The following LGSN variants were observed in gnomAD, a reference collection of about 807,000 sequenced individuals.
LGSN encodes lengsin.
A neutral mutation model predicts 19.5 loss-of-function variants in LGSN; 21 were observed. The ratio of observed to expected loss-of-function variants is 1.07; its 90% CI spans 0.76 to 1.55. The LOEUF (loss-of-function observed/expected upper bound fraction) is 1.55, where lower values mean the gene tolerates loss of function less well. Ranked by LOEUF, LGSN falls within the 40% of genes most tolerant of loss-of-function variation. The pLI, the probability that LGSN is intolerant of heterozygous loss-of-function variation, is 0.00. For missense variants in LGSN, 673 were observed against 608.5 expected, an observed-to-expected ratio of 1.11 and a Z score of -1.12; for synonymous variants, 257 against 215.6, an observed-to-expected ratio of 1.19 and a Z score of -1.68.
the LGSN span, among the ~76,000 whole-genome samples, chr6:63,503,489 T>C: frequency 1.3e-5 from 2 of 152,206 alleles, no homozygotes; most frequent in Non-Finnish European, 2.9e-5. Flanking sequence ...AGATTAATCC[T>C]CTCTTTAATC....
At chr6:63,298,280 T>G (rs1768057009) in intron 1 of LGSN, among the ~76,000 whole-genome samples, 1 of 152,122 alleles carries the variant, frequency 6.6e-6, no homozygotes, top group Non-Finnish European at 1.5e-5. Flanking sequence ...TCCCCATGCG[T>G]TTGTGTTTTG....
chr6:63,533,865 G>A, the LGSN span, among the ~76,000 whole-genome samples: 1 of 144,728 alleles, frequency 6.9e-6, no homozygotes, highest in Non-Finnish European at 1.5e-5. Flanking sequence ...AATTTTTGAG[G>A]TAGGGTCTCA....
chr6:63,562,157 A>T, the LGSN span, among the ~76,000 whole-genome samples: 2 of 150,896 alleles, frequency 1.3e-5, no homozygotes, highest in Admixed American at 6.6e-5. Context: ...ATTTAACATT[A>T]CAATTATTTA....
At chr6:63,522,747 C>G in the LGSN span, among the ~76,000 whole-genome samples, 1 of 152,024 alleles carries the variant, frequency 6.6e-6, no homozygotes, top group Non-Finnish European at 1.5e-5. Flanking sequence ...AGGGGAGATA[C>G]CATATTACTG....
At chr6:63,370,598 C>T in the LGSN span, among the ~76,000 whole-genome samples, 2,152 of 152,354 alleles carry the variant, frequency 0.014, 24 homozygotes, top group Non-Finnish European at 0.025. Context: ...TGGGTCCTGC[C>T]TACGCATCTA....
chr6:63,548,789 A>C, the LGSN span: 7 of 726,898 alleles, frequency 9.6e-6, no homozygotes, highest in South Asian at 1.5e-5. Flanking sequence ...GACCCAGGAC[A>C]TTGCCTCCCC....
intron 3 of LGSN, among the ~76,000 whole-genome samples, chr6:63,284,269 G>C (rs919423784): frequency 6.6e-6 from 1 of 152,004 alleles, no homozygotes; most frequent in Admixed American, 6.5e-5. Flanking sequence ...GGTGTATAAT[G>C]AGTTACATTA....
the LGSN span, among the ~76,000 whole-genome samples, chr6:63,400,256 G>A: frequency 5.9e-5 from 9 of 152,194 alleles, no homozygotes; most frequent in Non-Finnish European, 1.0e-4. Context: ...AAACTTGCTT[G>A]GCAGGGGCAG....
chr6:63,400,941 C>T, the LGSN span, among the ~76,000 whole-genome samples: 253 of 152,126 alleles, frequency 1.7e-3, no homozygotes, highest in Admixed American at 3.5e-3. Flanking sequence ...TTGCAGCGAG[C>T]TGAAATGGCA....
the LGSN span, among the ~76,000 whole-genome samples, chr6:63,560,729 T>C: frequency 6.6e-6 from 1 of 152,122 alleles, no homozygotes; most frequent in Non-Finnish European, 1.5e-5. Flanking sequence ...TGAAATTAAG[T>C]TCAATAGAAA....
chr6:63,291,860 A>G (rs1468917350), intron 2 of LGSN, among the ~76,000 whole-genome samples: 1 of 152,218 alleles, frequency 6.6e-6, no homozygotes, highest in African/African-American at 2.4e-5. Flanking sequence ...TTGCAAATGT[A>G]ATTAAGGTTA....
the LGSN span, among the ~76,000 whole-genome samples, chr6:63,480,940 GATATATATATATATATATATATAT>G: frequency 2.6e-3 from 155 of 59,890 alleles, 2 homozygotes; most frequent in Admixed American, 0.021. Context: ...TAAAGAAAAT[GATATATATATATATATATATATAT>G]ATATATATAT....
chr6:63,558,666 T>C, the LGSN span, among the ~76,000 whole-genome samples: 1 of 152,224 alleles, frequency 6.6e-6, no homozygotes, highest in Non-Finnish European at 1.5e-5. Context: ...GAAGCACATC[T>C]TAGGGTCATC....
At chr6:63,567,054 A>T in the LGSN span, among the ~76,000 whole-genome samples, 1 of 152,144 alleles carries the variant, frequency 6.6e-6, no homozygotes, top group Non-Finnish European at 1.5e-5. Flanking sequence ...CTCTGTTTCT[A>T]ACTCCAATTG....
At chr6:63,369,478 G>A in the LGSN span, among the ~76,000 whole-genome samples, 3 of 152,186 alleles carry the variant, frequency 2.0e-5, no homozygotes, top group African/African-American at 7.2e-5. Flanking sequence ...GTTTACAAAT[G>A]AGAATCACCT....
the LGSN span, among the ~76,000 whole-genome samples, chr6:63,407,298 A>G: frequency 9.2e-5 from 14 of 152,068 alleles, no homozygotes; most frequent in South Asian, 2.1e-4. Context: ...CTGGCAAACC[A>G]AATCCAGCAG....
chr6:63,294,144 G>A (rs563163244), intron 2 of LGSN, among the ~76,000 whole-genome samples: 2 of 152,086 alleles, frequency 1.3e-5, no homozygotes, highest in Admixed American at 1.3e-4. Flanking sequence ...AGACCAGACC[G>A]GCTAACATGG....
the LGSN span, among the ~76,000 whole-genome samples, chr6:63,564,385 C>T: frequency 1.3e-5 from 2 of 151,956 alleles, no homozygotes; most frequent in African/African-American, 2.4e-5. Flanking sequence ...AAGATAGCAA[C>T]GTTTGTTGAA....
the LGSN span, among the ~76,000 whole-genome samples, chr6:63,509,638 G>C: frequency 9.2e-5 from 14 of 152,264 alleles, no homozygotes; most frequent in African/African-American, 2.6e-4. Context: ...AGGATGAAGT[G>C]ATAAACCTAG....
Sources: gnomAD v4.1 joint callset for allele counts (sites outside exome capture counted in the v4.1 genomes callset) on GRCh38, gnomAD v4.1.1 for gene constraint, MANE v1.5 for transcripts, NCBI Gene and HGNC (gene_info 2026-07-23, HGNC 2026-07-21) for gene names.